Variants in HMGA1 observed in about 807,000 individuals in gnomAD.
HMGA1 encodes high mobility group AT-hook 1, also known as high mobility group protein HMG-I/HMG-Y.
HMGA1 carries 1 observed loss-of-function variant against 15.1 expected under a neutral mutation model. The observed-to-expected ratio is 0.07, with a 90% CI of 0.02 to 0.31. HMGA1 has a LOEUF of 0.31. Among genes scored for constraint, HMGA1 ranks in the 10% least tolerant of loss-of-function variants. HMGA1 has a pLI of 1.00. For missense variants in HMGA1, 94 were observed against 141.4 expected (o/e 0.66, Z 1.70); for synonymous variants, 56 against 54.8 (o/e 1.02, Z -0.10).
At chr6:34,244,178 G>A (rs1158921101) in intron 5 of HMGA1, among the ~76,000 whole-genome samples, 1 of 151,978 alleles carries the variant, frequency 6.6e-6, no homozygotes, top group Non-Finnish European at 1.5e-5. Flanking sequence ...CTGGGGTGGG[G>A]GGGTTAGGGG....
At position 34,245,132 on chromosome 6, in the gene HMGA1, C is replaced by T; in HGVS notation, c.*248C>T. 1.3e-6 allele frequency: 2 copies of T among 1,496,738 alleles called. No homozygotes were observed. Among genetic ancestry groups the T allele is most frequent in the Non-Finnish European group, 1.8e-6 (2 of 1,121,518 alleles). 92.7% of individuals were successfully genotyped at this position (1,496,738 alleles called of 1,614,324 possible). A position where few individuals can be genotyped will look rare whatever the true frequency, so the allele number is the denominator to read the frequency against. On this transcript the variant is annotated 3_prime_UTR_variant, in exon 6 of 6. Coordinates refer to ENST00000311487, the MANE Select transcript of HMGA1 (RefSeq NM_145899.3). ...TCAGTTCCCAGCTCCCCCCGCCCAC[C>T]CACGCATACACACATGCCCTCCTGG... is the stretch of plus-strand genomic sequence containing the variant.
chr6:34,243,270 G>C (rs1214118755), intron 4 of HMGA1, among the ~76,000 whole-genome samples, 198 bp from the exon 5 acceptor site: 1 of 152,150 alleles, frequency 6.6e-6, no homozygotes, highest in African/African-American at 2.4e-5. Context: ...GCGGAGGTGG[G>C]AGTAGGGGGC....
chr6:34,238,113 G>A (rs1230061939), intron 2 of HMGA1, among the ~76,000 whole-genome samples: 1 of 152,124 alleles, frequency 6.6e-6, no homozygotes, highest in African/African-American at 2.4e-5. Flanking sequence ...TCTCCCCCGC[G>A]CCCGCGCGCG....
intron 5 of HMGA1, 112 bp downstream of exon 5, chr6:34,243,630 G>A (rs1187414644): frequency 2.2e-6 from 2 of 897,964 alleles, no homozygotes; most frequent in Admixed American, 2.0e-5. Context: ...TCCTTGACCT[G>A]CTGGGACATC....
chr6:34,237,466 G>A (rs1761866391), intron 2 of HMGA1, 149 bp downstream of exon 2: 1 of 144,588 alleles, frequency 6.9e-6, no homozygotes, highest in South Asian at 2.1e-4. Flanking sequence ...CCGGCGGCGG[G>A]GGAGGGCCGC....
At chr6:34,244,368 C>T (rs933174626) in intron 5 of HMGA1, among the ~76,000 whole-genome samples, 14 of 152,242 alleles carry the variant, frequency 9.2e-5, no homozygotes, top group Non-Finnish European at 1.3e-4. Flanking sequence ...TCGGCCACCC[C>T]GGAGGGCCAG....
intron 3 of HMGA1, among the ~76,000 whole-genome samples, chr6:34,241,605 C>T (rs6457768): frequency 6.6e-6 from 1 of 152,240 alleles, no homozygotes; most frequent in Non-Finnish European, 1.5e-5. Flanking sequence ...GATGAGGCTG[C>T]CAGCCTGGCG....
At position 34,245,141 on chromosome 6, in the gene HMGA1, C is replaced by CA; in HGVS notation, c.*258dup. On this transcript the variant is annotated 3_prime_UTR_variant, in exon 6 of 6. Transcript: ENST00000311487. ...AGCTCCCCCCGCCCACCCACGCATA[C>CA]ACACATGCCCTCCTGGACAAGGCTA... is the stretch of plus-strand genomic sequence containing the variant. The CA allele has an allele frequency of 6.9e-7, 1 of 1,446,266 alleles. No homozygotes were observed. 89.6% of individuals were successfully genotyped at this position (1,446,266 alleles called of 1,614,324 possible). A position where few individuals can be genotyped will look rare whatever the true frequency, so the allele number is the denominator to read the frequency against.
In HMGA1 at chr6:34,240,760, C is replaced by T. The variant is rs201809305; in HGVS notation, c.-21C>T. 8 of 1,612,006 alleles carry T rather than the reference C, an allele frequency of 5.0e-6. No homozygotes were observed. In the South Asian group the frequency reaches 6.6e-5, roughly 13 times the overall value. ...AGCATCCCAGCCATCACTCTTCCAC[C>T]TGCTCCTTAGAGAAGGGAAGATGAG... On this transcript the variant is annotated 5_prime_UTR_variant, in exon 3 of 6. Coordinates refer to ENST00000311487, the MANE Select transcript of HMGA1 (RefSeq NM_145899.3).
At chr6:34,238,094 C>T (rs563791992) in intron 2 of HMGA1, among the ~76,000 whole-genome samples, 16 of 152,288 alleles carry the variant, frequency 1.1e-4, no homozygotes, top group Non-Finnish European at 1.5e-4. Context: ...AGGGAGGGGG[C>T]TTTCTTCCTC....
Position 34,245,185 on chromosome 6 carries a change from C to T in HMGA1, c.*301C>T, listed in dbSNP as rs1363679539. On this transcript the variant is annotated 3_prime_UTR_variant, in exon 6 of 6. Transcript: ENST00000311487. The stretch of plus-strand genomic sequence containing the variant: ...AAGGCTAACATCCCACTTAGCCGCA[C>T]CCTGCACCTGCTGCGTCCCCACTCC... 5.6e-6 allele frequency: 8 copies of T among 1,432,438 alleles called. No homozygotes were observed. The African/African-American group carries it at 8.4e-5, about 15-fold the overall frequency. 88.7% of individuals were successfully genotyped at this position (1,432,438 alleles called of 1,614,324 possible). A position where few individuals can be genotyped will look rare whatever the true frequency, so the allele number is the denominator to read the frequency against.
At position 34,245,112 on chromosome 6, in the gene HMGA1, T is replaced by C. The variant is rs1264222950; in HGVS notation, c.*228T>C. On this transcript the variant is annotated 3_prime_UTR_variant, in exon 6 of 6. Transcript: ENST00000311487. ...GGAGCAGTTTTCCCCTGGCCTCAGT[T>C]CCCAGCTCCCCCCGCCCACCCACGC... is the stretch of plus-strand genomic sequence containing the variant. 4.0e-6 allele frequency: 6 copies of C among 1,508,738 alleles called. No homozygotes were observed. The South Asian group carries it at 7.2e-5, about 18-fold the overall frequency. The allele number at this position is 1,508,738 out of a possible 1,614,324, so 93.5% of individuals were successfully genotyped here.
intron 4 of HMGA1, among the ~76,000 whole-genome samples, chr6:34,243,112 G>A (rs1379335902): frequency 1.3e-5 from 2 of 152,170 alleles, no homozygotes; most frequent in African/African-American, 4.8e-5. Flanking sequence ...GGCTGAGAAT[G>A]TTACCTTCTC....
In HMGA1 at chr6:34,245,029, C is replaced by T; in HGVS notation, c.*145C>T. The T allele has an allele frequency of 1.9e-6, 3 of 1,541,484 alleles. No homozygotes were observed. Among genetic ancestry groups the T allele is most frequent in the Non-Finnish European group, 2.6e-6 (3 of 1,142,862 alleles). ...CGCCACCCCCATCTTCCACCTGTGC[C>T]CTCACCACCACACTACACAGCACAC... On this transcript the variant is annotated 3_prime_UTR_variant, in exon 6 of 6. Coordinates refer to ENST00000311487, the MANE Select transcript of HMGA1 (RefSeq NM_145899.3).
At chr6:34,240,664 A>G (rs1762228969) in intron 2 of HMGA1, 73 bp from the exon 3 acceptor site, 1 of 1,188,266 alleles carries the variant, frequency 8.4e-7, no homozygotes, top group Non-Finnish European at 1.2e-6. Flanking sequence ...TGTGCCTTGA[A>G]GGTGTGGGTG....
At chr6:34,243,588 C>T (rs1431651006) in intron 5 of HMGA1, 70 bp downstream of exon 5, 2 of 1,237,616 alleles carry the variant, frequency 1.6e-6, no homozygotes, top group Admixed American at 1.7e-5. Flanking sequence ...GTACACAGTA[C>T]CTGATGCTAT....
intron 2 of HMGA1, among the ~76,000 whole-genome samples, chr6:34,237,908 C>T (rs1184077299): frequency 6.6e-6 from 1 of 152,122 alleles, no homozygotes; most frequent in Non-Finnish European, 1.5e-5. Flanking sequence ...TTTGGGGCTT[C>T]ACCCCGACCC....
intron 3 of HMGA1, among the ~76,000 whole-genome samples, chr6:34,242,224 AGGCAG>A (rs1373825855): frequency 6.6e-6 from 1 of 152,190 alleles, no homozygotes. Context: ...TTGCAAGTGC[AGGCAG>A]GGAGTGTGTG....
intron 2 of HMGA1, 157 bp from the exon 3 acceptor site, chr6:34,240,580 T>G: frequency 1.6e-6 from 1 of 628,694 alleles, no homozygotes; most frequent in Non-Finnish European, 2.8e-6. Flanking sequence ...TGGCAGCATC[T>G]GGGGGTGGGC....
Sources: allele counts gnomAD v4.1 joint callset (sites outside exome capture counted in the v4.1 genomes callset), GRCh38; gene constraint gnomAD v4.1.1; transcripts MANE v1.5; gene names NCBI Gene and HGNC (gene_info 2026-07-23, HGNC 2026-07-21).